HCN1: variants seen among roughly 807,000 people sequenced by gnomAD.
HCN1 encodes hyperpolarization activated cyclic nucleotide gated potassium channel 1.
In HCN1, 13 loss-of-function variants were observed where a neutral mutation model predicts 78.9. The observed-to-expected ratio is 0.16, with a 90% CI of 0.11 to 0.26. HCN1 has a LOEUF of 0.26. Ranked by LOEUF, HCN1 falls within the 10% of genes least tolerant of loss-of-function variation. The pLI is 1.00. For synonymous variants in HCN1, 552 were observed against 455.5 expected (o/e 1.21, Z -2.70); for missense variants, 810 against 1,154.3 (o/e 0.70, Z 4.32).
At chr5:45,455,760 CAAAAAAAAAAAA>C (rs571706502) in intron 3 of HCN1, among the ~76,000 whole-genome samples, 9 of 59,834 alleles carry the variant, frequency 1.5e-4, no homozygotes, top group Non-Finnish European at 3.6e-4. Context: ...TTCTGGAACT[CAAAAAAAAAAAA>C]AAAAAAAAAA....
intron 2 of HCN1, among the ~76,000 whole-genome samples, chr5:45,477,177 T>G (rs553340336): frequency 1.3e-4 from 20 of 151,994 alleles, no homozygotes; most frequent in Non-Finnish European, 2.6e-4. Context: ...ACAGAAAACT[T>G]CCATGTTTCA....
chr5:45,638,882 G>A (rs1239227024), intron 2 of HCN1, among the ~76,000 whole-genome samples: 1 of 152,128 alleles, frequency 6.6e-6, no homozygotes, highest in African/African-American at 2.4e-5. Flanking sequence ...CAGCCTGGGC[G>A]ACATAGCAGT....
intron 4 of HCN1, among the ~76,000 whole-genome samples, chr5:45,369,599 C>G (rs1747311141): frequency 1.3e-5 from 2 of 152,006 alleles, no homozygotes; most frequent in African/African-American, 4.8e-5. Flanking sequence ...TCGCATCTGC[C>G]TGCATCATCA....
intron 2 of HCN1, among the ~76,000 whole-genome samples, chr5:45,527,492 GA>G (rs1257962279): frequency 1.3e-5 from 2 of 151,528 alleles, no homozygotes; most frequent in Non-Finnish European, 2.9e-5. Flanking sequence ...TTGTCTATCA[GA>G]AATCTTTCCT....
chr5:45,606,479 G>A (rs1191554426), intron 2 of HCN1, among the ~76,000 whole-genome samples: 4 of 151,952 alleles, frequency 2.6e-5, no homozygotes, highest in Admixed American at 2.0e-4. Flanking sequence ...TTTTTGAAAG[G>A]AGTATTTATC....
chr5:45,416,435 C>A (rs149260635), intron 3 of HCN1, among the ~76,000 whole-genome samples: 268 of 152,068 alleles, frequency 1.8e-3, no homozygotes, highest in African/African-American at 6.1e-3. Flanking sequence ...ATATGGAATG[C>A]ATATATGATA....
chr5:45,307,352 T>C (rs1745757312), intron 5 of HCN1, among the ~76,000 whole-genome samples: 1 of 152,042 alleles, frequency 6.6e-6, no homozygotes, highest in African/African-American at 2.4e-5. Flanking sequence ...GGCTGAGCAT[T>C]GAGCATGGGG....
intron 7 of HCN1, 103 bp downstream of exon 7, chr5:45,266,986 G>A: frequency 1.0e-6 from 1 of 989,462 alleles, no homozygotes; most frequent in Non-Finnish European, 1.6e-6. Context: ...TGGGATTACA[G>A]GCATGAGTCA....
intron 4 of HCN1, among the ~76,000 whole-genome samples, chr5:45,395,110 G>T (rs1319645183): frequency 6.6e-6 from 1 of 151,822 alleles, no homozygotes; most frequent in Non-Finnish European, 1.5e-5. Flanking sequence ...AATCCTGGAA[G>T]TTAAACATTT....
intron 2 of HCN1, among the ~76,000 whole-genome samples, chr5:45,573,524 T>C (rs1047476005): frequency 6.6e-6 from 1 of 152,152 alleles, no homozygotes; most frequent in Non-Finnish European, 1.5e-5. Flanking sequence ...TTTCTTACTT[T>C]TTTGTACATT....
In HCN1 at chr5:45,613,246, T is replaced by C. The variant is rs555283793; in HGVS notation, c.849+31939A>G. On this transcript the variant is annotated intron_variant, in intron 2 of 7. Coordinates refer to ENST00000303230, the MANE Select transcript of HCN1 (RefSeq NM_021072.4). The stretch of plus-strand genomic sequence containing the variant: ...TTCAATTCCCACCTATGAGTGAGAA[T>C]ATGCGGTGTTTGGTATTTTGTTCTT... Among the ~76,000 whole-genome samples the C allele has an allele frequency of 2.7e-5, 4 of 148,056 alleles. No homozygotes were observed. The South Asian group carries it at 8.6e-4, about 32-fold the overall frequency.
Position 45,325,774 on chromosome 5 carries a change from C to T in HCN1, c.1378-21935G>A, listed in dbSNP as rs1407242704. On this transcript the variant is annotated intron_variant, in intron 5 of 7. Coordinates refer to ENST00000303230, the MANE Select transcript of HCN1 (RefSeq NM_021072.4). Reference sequence around the variant, plus strand: ...GTAAGTTCAGCACCTGCTTCAATGTCTTAATTTTAAAGGATTTCCCATGAT... The same window carrying T: ...GTAAGTTCAGCACCTGCTTCAATGTTTTAATTTTAAAGGATTTCCCATGAT... 2.0e-5 allele frequency among the ~76,000 whole-genome samples: 3 copies of T among 151,516 alleles called. No individual in the cohort carries two copies. In the East Asian group the frequency reaches 5.8e-4, roughly 30 times the overall value.
chr5:45,389,122 G>C (rs114950185), intron 4 of HCN1, among the ~76,000 whole-genome samples: 2,454 of 152,138 alleles, frequency 0.016, 69 homozygotes, highest in African/African-American at 0.056. Flanking sequence ...CCTATAAGGT[G>C]TCACCTAAAC....
chr5:45,470,437 G>A (rs1417641637), intron 2 of HCN1, among the ~76,000 whole-genome samples: 1 of 151,832 alleles, frequency 6.6e-6, no homozygotes, highest in East Asian at 1.9e-4. Flanking sequence ...AAATAAGGAA[G>A]CATTGGCAAA....
intron 2 of HCN1, among the ~76,000 whole-genome samples, chr5:45,602,972 A>G (rs947278420): frequency 6.6e-6 from 1 of 152,150 alleles, no homozygotes; most frequent in African/African-American, 2.4e-5. Context: ...TATCTGTCCA[A>G]TTCCACAGGG....
In HCN1 at chr5:45,526,971, T is replaced by C. The variant is rs146107520; in HGVS notation, c.850-64964A>G. 5.9e-4 allele frequency among the ~76,000 whole-genome samples: 85 copies of C among 143,798 alleles called. 3 individuals carry two copies. Among genetic ancestry groups the C allele is most frequent in the African/African-American group, 2.2e-3 (84 of 38,788 alleles). The allele number at this position is 143,798 out of a possible 152,430, so 94.3% of individuals were successfully genotyped here. On this transcript the variant is annotated intron_variant, in intron 2 of 7. Coordinates refer to ENST00000303230, the MANE Select transcript of HCN1 (RefSeq NM_021072.4). ...CCAATTAAAATGTCTATGAACTAAC[T>C]TGGGTTTCAGTCGTCTATCAGAAAT...
intron 3 of HCN1, among the ~76,000 whole-genome samples, chr5:45,457,598 G>A (rs780275180): frequency 2.0e-5 from 3 of 152,058 alleles, no homozygotes; most frequent in Admixed American, 1.3e-4. Context: ...CTTTTAGTCC[G>A]CTTTCCGTTG....
At position 45,261,845 on chromosome 5, in the gene HCN1, A is replaced by G; in HGVS notation, c.*76T>C. The G allele has an allele frequency of 1.3e-6, 2 of 1,514,618 alleles. No individual in the cohort carries two copies. The highest frequency in any genetic ancestry group is 1.1e-5 in the South Asian group (1 of 88,450). 93.8% of individuals were successfully genotyped at this position (1,514,618 alleles called of 1,614,324 possible). A position where few individuals can be genotyped will look rare whatever the true frequency, so the allele number is the denominator to read the frequency against. On this transcript the variant is annotated 3_prime_UTR_variant, in exon 8 of 8. Transcript: ENST00000303230. ...TAGTAGGCTAGAGGGATCTATCAGGAGATAGAATAAAATAAGATCTGAGTA... is the reference window on the plus strand; with the variant it reads ...TAGTAGGCTAGAGGGATCTATCAGGGGATAGAATAAAATAAGATCTGAGTA...
chr5:45,438,097 A>G (rs1395128273), intron 3 of HCN1, among the ~76,000 whole-genome samples: 4 of 152,222 alleles, frequency 2.6e-5, no homozygotes, highest in Non-Finnish European at 4.4e-5. Flanking sequence ...TTGGTAACAC[A>G]GGCCAACCTT....
Sources: allele counts gnomAD v4.1 joint callset (sites outside exome capture counted in the v4.1 genomes callset), GRCh38; gene constraint gnomAD v4.1.1; transcripts MANE v1.5; gene names NCBI Gene and HGNC (gene_info 2026-07-23, HGNC 2026-07-21).